Variants in NXPH1 observed in about 807,000 individuals in gnomAD.
NXPH1 encodes neurexophilin-1.
NXPH1 carries 5 observed loss-of-function variants against 23.7 expected under a neutral mutation model. That is an observed-to-expected ratio of 0.21 (90% confidence interval 0.11 to 0.44). The LOEUF is 0.44. Ranked by LOEUF, NXPH1 falls within the 20% of genes least tolerant of loss-of-function variation. NXPH1 has a pLI of 0.99. For synonymous variants in NXPH1, 144 were observed against 122.2 expected, an observed-to-expected ratio of 1.18 and a Z score of -1.18; for missense variants, 324 against 321.6, an observed-to-expected ratio of 1.01 and a Z score of -0.06.
intron 2 of NXPH1, among the ~76,000 whole-genome samples, chr7:8,529,326 G>A (rs760893804): frequency 3.2e-4 from 48 of 152,324 alleles, no homozygotes; most frequent in South Asian, 1.5e-3. Flanking sequence ...GGCACCAGGG[G>A]GCCAAAATTC....
At chr7:8,739,171 TAAAA>T (rs34593997) in intron 2 of NXPH1, among the ~76,000 whole-genome samples, 112 of 54,036 alleles carry the variant, frequency 2.1e-3, no homozygotes, top group Middle Eastern at 0.011. Flanking sequence ...ACCAGTGGGG[TAAAA>T]AAAAAAAAAA....
Position 8,435,295 on chromosome 7 carries a change from A to C in NXPH1, c.-110-309A>C. The C allele has an allele frequency of 8.0e-6, 2 of 250,514 alleles. No homozygotes were observed. The highest frequency in any genetic ancestry group is 5.4e-5 in the South Asian group (1 of 18,668). 15.5% of individuals were successfully genotyped at this position (250,514 alleles called of 1,614,324 possible). Reference sequence around the variant, plus strand: ...ACACAAGGGCAGGTCTCGCTGCCGGAGAAGCCTGGGCTCCGAACCAGCCTG... The same window carrying C: ...ACACAAGGGCAGGTCTCGCTGCCGGCGAAGCCTGGGCTCCGAACCAGCCTG... On this transcript the variant is annotated intron_variant, in intron 1 of 2. Coordinates refer to ENST00000405863, the MANE Select transcript of NXPH1 (RefSeq NM_152745.3). The surrounding 1 kb of genome is among the most constrained non-coding windows in gnomAD (Gnocchi z 5.9).
intron 2 of NXPH1, among the ~76,000 whole-genome samples, chr7:8,502,631 G>A (rs1034070009): frequency 4.6e-5 from 7 of 151,818 alleles, no homozygotes; most frequent in Admixed American, 1.3e-4. Context: ...GAATAGAGGA[G>A]TAGCAAGTAT....
chr7:8,719,981 T>A (rs931244547), intron 2 of NXPH1, among the ~76,000 whole-genome samples: 5 of 152,334 alleles, frequency 3.3e-5, no homozygotes, highest in Non-Finnish European at 5.9e-5. Context: ...GGCTTCATAA[T>A]CAATTGTCAT....
intron 2 of NXPH1, among the ~76,000 whole-genome samples, chr7:8,537,778 C>A (rs1210635293): frequency 6.6e-6 from 1 of 151,938 alleles, no homozygotes; most frequent in African/African-American, 2.4e-5. Context: ...TGGACATGAT[C>A]TCTAAATTTC....
chr7:8,636,013 T>C (rs143592675), intron 2 of NXPH1, among the ~76,000 whole-genome samples: 1 of 152,348 alleles, frequency 6.6e-6, no homozygotes, highest in East Asian at 1.9e-4. Flanking sequence ...ACTTTATCTA[T>C]CCAAGGGTAA....
chr7:8,593,314 A>G (rs552740114), intron 2 of NXPH1, among the ~76,000 whole-genome samples: 4 of 152,040 alleles, frequency 2.6e-5, no homozygotes, highest in Admixed American at 2.6e-4. Context: ...ATACATAGCA[A>G]TCATATTTAT....
chr7:8,748,755 G>A (rs1780515521), intron 2 of NXPH1, among the ~76,000 whole-genome samples: 1 of 152,144 alleles, frequency 6.6e-6, no homozygotes, highest in South Asian at 2.1e-4. Flanking sequence ...GCTTTTCAGG[G>A]TGCTGTCATG....
intron 2 of NXPH1, among the ~76,000 whole-genome samples, chr7:8,739,776 A>T (rs1780329743): frequency 6.6e-6 from 1 of 152,092 alleles, no homozygotes; most frequent in Non-Finnish European, 1.5e-5. Context: ...TTCCATCCTT[A>T]TTCTATAAAC....
chr7:8,726,139 GT>G (rs1216214597), intron 2 of NXPH1, among the ~76,000 whole-genome samples: 1 of 152,018 alleles, frequency 6.6e-6, no homozygotes, highest in African/African-American at 2.4e-5. Context: ...TACAAAGTGT[GT>G]TTTTATATAA....
intron 2 of NXPH1, among the ~76,000 whole-genome samples, chr7:8,632,018 C>G (rs1431435114): frequency 1.3e-5 from 2 of 151,976 alleles, no homozygotes; most frequent in Non-Finnish European, 2.9e-5. Context: ...TTTACTGTGC[C>G]TGAGATAGCT....
chr7:8,683,730 A>C (rs923470869), intron 2 of NXPH1, among the ~76,000 whole-genome samples: 1 of 152,126 alleles, frequency 6.6e-6, no homozygotes. Flanking sequence ...CACCAACATA[A>C]TTTTTTTTGT....
At chr7:8,652,338 T>C (rs1820503291) in intron 2 of NXPH1, among the ~76,000 whole-genome samples, 2 of 152,306 alleles carry the variant, frequency 1.3e-5, no homozygotes, top group Non-Finnish European at 2.9e-5. Context: ...TGTTATTTTA[T>C]CTATTTTATG....
At chr7:8,524,681 G>C (rs950550041) in intron 2 of NXPH1, among the ~76,000 whole-genome samples, 6 of 152,102 alleles carry the variant, frequency 3.9e-5, no homozygotes, top group Non-Finnish European at 7.4e-5. Context: ...GAATCATGGG[G>C]GCCGATCTTT....
At chr7:8,739,345 A>G (rs1780322052) in intron 2 of NXPH1, among the ~76,000 whole-genome samples, 1 of 152,062 alleles carries the variant, frequency 6.6e-6, no homozygotes, top group Non-Finnish European at 1.5e-5. Flanking sequence ...TATCTGGGCC[A>G]GAATGCACCG....
intron 2 of NXPH1, among the ~76,000 whole-genome samples, chr7:8,735,824 G>A (rs147767167): frequency 5.0e-4 from 76 of 151,994 alleles, no homozygotes; most frequent in African/African-American, 1.8e-3. Flanking sequence ...CTCATTATTG[G>A]TCTATTCAGG....
intron 2 of NXPH1, among the ~76,000 whole-genome samples, chr7:8,633,854 A>T (rs936334605): frequency 1.3e-5 from 2 of 152,178 alleles, no homozygotes; most frequent in African/African-American, 4.8e-5. Flanking sequence ...AGTTGTAGTA[A>T]AGTTAAATAT....
intron 2 of NXPH1, among the ~76,000 whole-genome samples, chr7:8,549,852 A>C (rs1454716075): frequency 6.6e-6 from 1 of 151,502 alleles, no homozygotes; most frequent in Non-Finnish European, 1.5e-5. Flanking sequence ...ACACCCTGGA[A>C]GCCCAGTTTC....
At chr7:8,592,916 AT>A (rs374921681) in intron 2 of NXPH1, among the ~76,000 whole-genome samples, 5 of 151,560 alleles carry the variant, frequency 3.3e-5, no homozygotes, top group African/African-American at 1.2e-4. Context: ...ACTGGGCAGC[AT>A]TTGGCCCAGG....
Sources: gnomAD v4.1 joint callset for allele counts (sites outside exome capture counted in the v4.1 genomes callset) on GRCh38, gnomAD v4.1.1 for gene constraint, Gnocchi (gnomAD v3.1) non-coding constraint, MANE v1.5 for transcripts, NCBI Gene and HGNC (gene_info 2026-07-23, HGNC 2026-07-21) for gene names.